The following TUBGCP6 variants were observed in gnomAD, a reference collection of about 807,000 sequenced individuals.
TUBGCP6 encodes the protein tubulin gamma complex component 6.
TUBGCP6 carries 161 observed loss-of-function variants against 175.8 expected under a neutral mutation model. The ratio of observed to expected loss-of-function variants is 0.92; its 90% CI spans 0.81 to 1.04. The LOEUF is 1.04. Ranked by LOEUF, TUBGCP6 falls within the 50% of genes least tolerant of loss-of-function variation. The probability of loss-of-function intolerance (pLI) is 0.00; values close to 1 mark genes in which losing one functional copy is unlikely to be tolerated. For missense variants in TUBGCP6, 2,572 were observed against 2,433.0 expected (o/e 1.06, Z -1.20); for synonymous variants, 1,173 against 1,030.5 (o/e 1.14, Z -2.65).
At chr22:50,242,366 G>A (rs905957781) in intron 1 of TUBGCP6, among the ~76,000 whole-genome samples, 3 of 151,760 alleles carry the variant, frequency 2.0e-5, no homozygotes, top group East Asian at 1.9e-4. Flanking sequence ...GTGTGGTGAC[G>A]CACACCTGTA....
Position 50,227,119 on chromosome 22 carries a change from G to A in TUBGCP6, c.1413-42C>T, listed in dbSNP as rs2064624053. 2.6e-6 allele frequency: 4 copies of A among 1,562,814 alleles called. No homozygotes were observed. The South Asian group carries it at 4.6e-5, about 18-fold the overall frequency. On this transcript the variant is annotated intron_variant, in intron 5 of 24. Transcript: ENST00000248846. ...GATGAGACCAGGTGACCGGGCTCAG[G>A]GTTCCCAGGCCTGGATCAGATCGTG... is the stretch of plus-strand genomic sequence containing the variant.
At chr22:50,219,534 G>C in intron 18 of TUBGCP6, 78 bp from the exon 19 acceptor site, 1 of 1,585,440 alleles carries the variant, frequency 6.3e-7, no homozygotes, top group Non-Finnish European at 8.6e-7. Context: ...GATGGAGCAC[G>C]TGCTGGGAAC....
At chr22:50,237,554 A>G (rs962346976) in intron 2 of TUBGCP6, among the ~76,000 whole-genome samples, 2 of 152,180 alleles carry the variant, frequency 1.3e-5, no homozygotes, top group Admixed American at 6.5e-5. Flanking sequence ...TGACCACAGC[A>G]CTTTCACTCT....
At chr22:50,242,527 G>A (rs370932344) in intron 1 of TUBGCP6, among the ~76,000 whole-genome samples, 1 of 152,144 alleles carries the variant, frequency 6.6e-6, no homozygotes, top group Admixed American at 6.6e-5. Context: ...TGTACACCAA[G>A]ACATTTGCTG....
chr22:50,217,741 C>T lies in TUBGCP6; in HGVS notation c.5455G>A (p.Ala1819Thr), dbSNP rs148008115. ...ACGTCCCCCGCAGAGCAGCCTCAGG[C>T]GTCCTGGTAGTAGTTGTTGAAGTTG... ...RINFNNYYQDA is the reference protein window; with the variant it reads ...RINFNNYYQDT The change falls in exon 25 of 25, where the codon GCC (alanine) becomes ACC (threonine). Residue 1819 changes from alanine to threonine, a missense_variant. Coordinates refer to ENST00000248846, the MANE Select transcript of TUBGCP6 (RefSeq NM_020461.4). 19 of 1,613,788 alleles carry T rather than the reference C, an allele frequency of 1.2e-5. No homozygotes were observed. Among genetic ancestry groups the T allele is most frequent in the Middle Eastern group, 3.3e-4 (2 of 6,084 alleles).
intron 14 of TUBGCP6, 27 bp downstream of exon 14, chr22:50,222,423 GAAGA>G: frequency 6.2e-7 from 1 of 1,611,764 alleles, no homozygotes; most frequent in Non-Finnish European, 8.5e-7. Flanking sequence ...AAGCCCAGGG[GAAGA>G]GCTGCCATCT....
chr22:50,224,203 A>G lies in TUBGCP6; in HGVS notation c.2208T>C (p.Arg736=), dbSNP rs764152795. ...GCCTTCTCTCCCTGTCTCGGAGTTC[A>G]CGGGCGTAGCTGAAGTCATCATCCA... ...EELDDDFSYA[R]ELRDRERRLK... is the part of the protein sequence containing the mutation. Residue 736 remains arginine, a synonymous_variant, in exon 13 of 25, where the codon CGT becomes CGC. Coordinates refer to ENST00000248846, the MANE Select transcript of TUBGCP6 (RefSeq NM_020461.4). The G allele has an allele frequency of 1.9e-6, 3 of 1,614,032 alleles. No individual in the cohort carries two copies. The South Asian group carries it at 3.3e-5, about 18-fold the overall frequency.
At chr22:50,236,337 G>A (rs1205891720) in intron 2 of TUBGCP6, among the ~76,000 whole-genome samples, 4 of 152,128 alleles carry the variant, frequency 2.6e-5, no homozygotes, top group Admixed American at 6.5e-5. Context: ...GGGTTTCACC[G>A]TGTTAGCCAG....
At chr22:50,219,931 G>C in intron 17 of TUBGCP6, 26 bp downstream of exon 17, 1 of 1,613,550 alleles carries the variant, frequency 6.2e-7, no homozygotes, top group Non-Finnish European at 8.5e-7. Context: ...GCCTGCTGTG[G>C]GACCCCCAGG....
Position 50,226,308 on chromosome 22 carries a change from G to A in TUBGCP6, c.1672C>T (p.His558Tyr). 2 of 1,613,866 alleles carry A rather than the reference G, an allele frequency of 1.2e-6. No homozygotes were observed. Among genetic ancestry groups the A allele is most frequent in the East Asian group, 2.2e-5 (1 of 44,864 alleles). Residue 558 changes from histidine to tyrosine, a missense_variant, in exon 8 of 25, where the codon CAC becomes TAC. Physicochemically the swap from His to Tyr is moderately conservative, Grantham distance 83. Coordinates refer to ENST00000248846, the MANE Select transcript of TUBGCP6 (RefSeq NM_020461.4). ...AYGEFMIQVN[H>Y]EYLSFRDKLY... ...CTACCTCGGAAGCTGAGGTACTCGT[G>A]GTTCACCTGAATCATGAACTCGCCA...
rs1160462388 is a variant in TUBGCP6, at chr22:50,229,483, C to T, written c.1211G>A (p.Gly404Glu). ...ATGACTCAGGCGCGTGTAGCAGGTC[C>T]CATACTCGGCCACTTCCGAGAGCAG... The part of the protein sequence containing the change: ...SSLLSEVAEY[G>E]TCYTRLSHFS... Residue 404 changes from glycine to glutamate, a missense_variant, in exon 4 of 25, where the codon GGG becomes GAG. Transcript: ENST00000248846. 2 of 1,612,466 alleles carry T rather than the reference C, an allele frequency of 1.2e-6. No homozygotes were observed. Among genetic ancestry groups the T allele is most frequent in the Non-Finnish European group, 1.7e-6 (2 of 1,179,546 alleles).
At chr22:50,228,406 G>A (rs373720987) in intron 4 of TUBGCP6, among the ~76,000 whole-genome samples, 4 of 152,234 alleles carry the variant, frequency 2.6e-5, no homozygotes, top group Admixed American at 6.5e-5. Context: ...GGGAAATGGC[G>A]GCCGTGCTCT....
At chr22:50,243,248 G>A (rs1206407421) in intron 1 of TUBGCP6, among the ~76,000 whole-genome samples, 1 of 152,204 alleles carries the variant, frequency 6.6e-6, no homozygotes, top group Non-Finnish European at 1.5e-5. Context: ...AGGAGTTCAA[G>A]ACCAGCCTAG....
At chr22:50,227,162 T>C (rs1031666453) in intron 5 of TUBGCP6, 85 bp from the exon 6 acceptor site, 7 of 1,249,996 alleles carry the variant, frequency 5.6e-6, no homozygotes, top group Non-Finnish European at 7.8e-6. Flanking sequence ...TCTCCACGTA[T>C]CTTTATGCTC....
At position 50,221,879 on chromosome 22, in the gene TUBGCP6, AAC is replaced by A. The variant is rs1314162355; in HGVS notation, c.2485-7_2485-6del. 6.6e-7 allele frequency: 1 copy of A among 1,515,358 alleles called. No individual in the cohort carries two copies. Among genetic ancestry groups the A allele is most frequent in the Non-Finnish European group, 8.8e-7 (1 of 1,131,764 alleles). The allele number at this position is 1,515,358 out of a possible 1,614,324, so 93.9% of individuals were successfully genotyped here. ...CTCAGGGCCCGGAGACGTGACCTGA[AAC>A]ACAGGTGACATCAGACCCAGTCTGG... On this transcript the variant is annotated splice_region_variant and splice_polypyrimidine_tract_variant and intron_variant, in intron 15 of 24. Transcript: ENST00000248846.
rs746199397 is a variant in TUBGCP6 at position 50,227,892 on chromosome 22, C to A, written c.1412+15G>T. On this transcript the variant is annotated intron_variant, in intron 5 of 24. Coordinates refer to ENST00000248846, the MANE Select transcript of TUBGCP6 (RefSeq NM_020461.4). ...CCCGCAAAGTCCCCTGCTCAGCCGC[C>A]ATGCTGAGGCTCACCTGAGCTGCCG... 3.2e-6 allele frequency: 5 copies of A among 1,571,494 alleles called. No individual in the cohort carries two copies. Among genetic ancestry groups the A allele is most frequent in the Non-Finnish European group, 4.3e-6 (5 of 1,158,396 alleles).
At chr22:50,240,421 C>G in intron 1 of TUBGCP6, 54 bp from the exon 2 acceptor site, 1 of 1,598,922 alleles carries the variant, frequency 6.3e-7, no homozygotes, top group East Asian at 2.2e-5. Context: ...CACGTTTCAT[C>G]CAAGGGCGAT....
chr22:50,238,270 T>C (rs1466000285), intron 2 of TUBGCP6, among the ~76,000 whole-genome samples: 5 of 151,682 alleles, frequency 3.3e-5, no homozygotes, highest in African/African-American at 1.2e-4. Context: ...GAACCTGGTG[T>C]TGGAAGGTTC....
At chr22:50,231,859 C>CAAAA (rs71198231) in intron 3 of TUBGCP6, among the ~76,000 whole-genome samples, 3 of 123,024 alleles carry the variant, frequency 2.4e-5, no homozygotes, top group African/African-American at 9.3e-5. Flanking sequence ...GACTCCGTCT[C>CAAAA]AAAAAAAAAA....
Sources: gnomAD v4.1 joint callset for allele counts (sites outside exome capture counted in the v4.1 genomes callset) on GRCh38, gnomAD v4.1.1 for gene constraint, MANE v1.5 for transcripts, NCBI Gene and HGNC (gene_info 2026-07-23, HGNC 2026-07-21) for gene names.